The following ZXDC variants were observed in gnomAD, a reference collection of about 807,000 sequenced individuals.
The protein encoded by ZXDC is zinc finger protein ZXDC.
A neutral mutation model predicts 63.6 loss-of-function variants in ZXDC; 58 were observed. That is an observed-to-expected ratio of 0.91 (90% CI 0.74 to 1.13). The LOEUF (loss-of-function observed/expected upper bound fraction) is 1.13, where lower values mean the gene tolerates loss of function less well. ZXDC is among the 50% of genes most tolerant of loss of function. The pLI is 0.00. For missense variants in ZXDC, 1,133 were observed against 1,148.9 expected (o/e 0.99, Z 0.20); for synonymous variants, 561 against 496.1 (o/e 1.13, Z -1.74).
At chr3:126,458,712 TC>T in intron 7 of ZXDC, 1 of 985,442 alleles carries the variant, frequency 1.0e-6, no homozygotes. Flanking sequence ...AATAAAGGCA[TC>T]CGCTTTCCTT....
At chr3:126,449,835 G>A (rs116424855) in intron 7 of ZXDC, among the ~76,000 whole-genome samples, 5,021 of 152,310 alleles carry the variant, frequency 0.033, 91 homozygotes, top group South Asian at 0.053. Flanking sequence ...AAAGGGAGCC[G>A]GGGCTGTGTG....
Position 126,439,875 on chromosome 3 carries a change from G to T in ZXDC, c.2395-148C>A, listed in dbSNP as rs1417985020. 7.0e-6 allele frequency: 10 copies of T among 1,436,928 alleles called. No homozygotes were observed. In the East Asian group the frequency reaches 2.3e-4, roughly 33 times the overall value. The allele number at this position is 1,436,928 out of a possible 1,614,324, so 89.0% of individuals were successfully genotyped here. A position where few individuals can be genotyped will look rare whatever the true frequency, so the allele number is the denominator to read the frequency against. On this transcript the variant is annotated intron_variant, in intron 8 of 9. Transcript: ENST00000389709. Reference sequence around the variant, plus strand: ...CAAGGGAGGCCCGAGGACCCAGCAGGAATTGTTTATGGGGGCTGGGTACTA... The same window carrying T: ...CAAGGGAGGCCCGAGGACCCAGCAGTAATTGTTTATGGGGGCTGGGTACTA...
intron 7 of ZXDC, among the ~76,000 whole-genome samples, chr3:126,444,291 G>A (rs1344920973): frequency 6.6e-6 from 1 of 152,162 alleles, no homozygotes; most frequent in Non-Finnish European, 1.5e-5. Context: ...CCAGCGCTTT[G>A]GGAGGCCAAG....
intron 7 of ZXDC, chr3:126,458,651 T>TA: frequency 5.1e-6 from 5 of 985,458 alleles, no homozygotes; most frequent in Non-Finnish European, 6.0e-6. Context: ...GGACACGTGT[T>TA]ATATACTTGA....
intron 7 of ZXDC, chr3:126,450,250 C>A (rs754658721): frequency 4.5e-6 from 2 of 441,216 alleles, no homozygotes; most frequent in African/African-American, 4.0e-5. Flanking sequence ...ACCTTGGATG[C>A]GTAAGGGTCA....
At chr3:126,456,030 C>T (rs1327312129) in intron 7 of ZXDC, among the ~76,000 whole-genome samples, 1 of 152,002 alleles carries the variant, frequency 6.6e-6, no homozygotes, top group East Asian at 1.9e-4. Context: ...GAATCAGTAT[C>T]ATTGAATCCA....
chr3:126,441,504 T>A (rs910451485), intron 8 of ZXDC: 89 of 1,259,808 alleles, frequency 7.1e-5, no homozygotes, highest in Middle Eastern at 3.0e-4. Flanking sequence ...CGCAGGGCTG[T>A]GCACAGACAG....
rs1410787626 is a variant in ZXDC, at chr3:126,475,701, G to T, written c.165C>A (p.Pro55=). 1 of 1,296,216 alleles carries T rather than the reference G, an allele frequency of 7.7e-7. No homozygotes were observed. The highest frequency in any genetic ancestry group is 9.8e-7 in the Non-Finnish European group (1 of 1,023,946). The allele number at this position is 1,296,216 out of a possible 1,614,324, so 80.3% of individuals were successfully genotyped here. ...GPEDGGPGAR[P]GEASGPSPPP... is the part of the protein sequence containing the mutation. Reference sequence around the variant, plus strand: ...GCGGGCTTGGCCCGGAGGCCTCCCCGGGCCGCGCCCCGGGCCCGCCATCTT... The same window carrying T: ...GCGGGCTTGGCCCGGAGGCCTCCCCTGGCCGCGCCCCGGGCCCGCCATCTT... The change falls in exon 1 of 10, where the codon CCC becomes CCA. Residue 55 remains proline, a synonymous_variant. Transcript: ENST00000389709.
At chr3:126,453,388 G>T (rs1934186269) in intron 7 of ZXDC, 1 of 985,170 alleles carries the variant, frequency 1.0e-6, no homozygotes, top group African/African-American at 1.8e-5. Context: ...TGAATAAGCT[G>T]TCACATTTAA....
At chr3:126,472,402 G>T in intron 1 of ZXDC, 97 bp from the exon 2 acceptor site, 1 of 1,423,712 alleles carries the variant, frequency 7.0e-7, no homozygotes, top group Non-Finnish European at 9.5e-7. Flanking sequence ...TCACACTGAA[G>T]CAGACAAGGG....
intron 6 of ZXDC, chr3:126,460,892 CA>C: frequency 3.0e-6 from 3 of 984,862 alleles, no homozygotes; most frequent in African/African-American, 3.5e-5. Context: ...GCCTGTGCCA[CA>C]AAAAAAATCC....
intron 7 of ZXDC, chr3:126,453,405 A>G: frequency 1.0e-6 from 1 of 985,436 alleles, no homozygotes; most frequent in Non-Finnish European, 1.2e-6. Context: ...TTAAGCATCA[A>G]AATCTGGATT....
chr3:126,460,998 A>C, intron 6 of ZXDC: 2 of 976,864 alleles, frequency 2.0e-6, no homozygotes, highest in Non-Finnish European at 1.2e-6. Flanking sequence ...TGTATAATTG[A>C]TATAAAGTAT....
At chr3:126,469,989 G>A (rs763551247) in intron 4 of ZXDC, among the ~76,000 whole-genome samples, 4 of 152,200 alleles carry the variant, frequency 2.6e-5, no homozygotes, top group Admixed American at 6.5e-5. Context: ...CCACTTTAGG[G>A]AGCGGTAGAG....
At chr3:126,459,035 T>C in intron 7 of ZXDC, 4 of 984,312 alleles carry the variant, frequency 4.1e-6, no homozygotes, top group Non-Finnish European at 4.8e-6. Context: ...CAAAAAACAA[T>C]ATATTTTAAA....
Position 126,441,514 on chromosome 3 carries a change from G to A in ZXDC, c.2394+251C>T, listed in dbSNP as rs189031552. ...CTAGACGCAGGGCTGTGCACAGACA[G>A]GTTCAGGAAGTGGATGCACGGTCCC... On this transcript the variant is annotated intron_variant, in intron 8 of 9. Transcript: ENST00000389709. 2.6e-4 allele frequency: 336 copies of A among 1,276,610 alleles called. 1 individual carries two copies. In the African/African-American group the frequency reaches 4.7e-3, roughly 18 times the overall value. 79.1% of individuals were successfully genotyped at this position (1,276,610 alleles called of 1,614,324 possible).
chr3:126,471,074 A>G, intron 3 of ZXDC, 49 bp from the exon 4 acceptor site: 1 of 1,588,068 alleles, frequency 6.3e-7, no homozygotes, highest in African/African-American at 1.3e-5. Flanking sequence ...ACAACTCACC[A>G]TAATTCTTTA....
At chr3:126,443,330 A>G (rs774715193) in intron 7 of ZXDC, 7 of 152,250 alleles carry the variant, frequency 4.6e-5, no homozygotes, top group Non-Finnish European at 1.0e-4. Flanking sequence ...TAATTGCTCT[A>G]CTTGCTTCAG....
rs1020738886 is a variant in ZXDC at position 126,441,052 on chromosome 3, G to A, written c.2394+713C>T. ...ACCTGGGCCAAACCCAGACAGCCCC[G>A]GCTTGTATATCTCTTCTCTCCCCAA... On this transcript the variant is annotated intron_variant, in intron 8 of 9. Coordinates refer to ENST00000389709, the MANE Select transcript of ZXDC (RefSeq NM_025112.5). 3.4e-5 allele frequency: 34 copies of A among 985,562 alleles called. No homozygotes were observed. In the South Asian group the frequency reaches 7.0e-4, roughly 20 times the overall value. The allele number at this position is 985,562 out of a possible 1,614,324, so 61.1% of individuals were successfully genotyped here.
Sources: allele counts gnomAD v4.1 joint callset (sites outside exome capture counted in the v4.1 genomes callset), GRCh38; gene constraint gnomAD v4.1.1; transcripts MANE v1.5; gene names NCBI Gene and HGNC (gene_info 2026-07-23, HGNC 2026-07-21).